The following NALF2 variants were observed in gnomAD, a reference collection of about 807,000 sequenced individuals.
NALF2 encodes bB57D9.1 (TED protein).
Under a neutral mutation model 24.8 loss-of-function variants are expected in NALF2, and 1 was observed. The observed-to-expected ratio is 0.04, with a 90% CI of 0.01 to 0.19. The LOEUF (loss-of-function observed/expected upper bound fraction) is 0.19. Among genes scored for constraint, NALF2 ranks in the 10% least tolerant of loss-of-function variants. The pLI is 1.00. For synonymous variants in NALF2, 254 were observed against 189.8 expected (o/e 1.34, Z -2.78); for missense variants, 458 against 409.6 (o/e 1.12, Z -1.02).
chrX:69,524,119 A>G (rs1930772711), intron 1 of NALF2, among the ~76,000 whole-genome samples: 1 of 102,703 alleles, frequency 9.7e-6, no homozygotes, highest in South Asian at 4.6e-4. Context: ...TTTTTTTTAG[A>G]CAGGGTCTCA....
intron 1 of NALF2, among the ~76,000 whole-genome samples, chrX:69,515,795 A>G (rs895667830): frequency 5.3e-5 from 6 of 112,326 alleles, no homozygotes; most frequent in Non-Finnish European, 1.1e-4. Context: ...CATAGAGCTG[A>G]AAGGAGGGAA....
rs1186746792 is a variant in NALF2, at chrX:69,529,702, T to C, written c.1165T>C (p.Ser389Pro). ...AACCCACCAGCAGCAATTCCACCAC[T>C]CCTATTTCCACCACTACCACCAACA... Reference protein sequence around the residue: ...PKTHQQQFHHSYFHHYHQQYH... With the variant: ...PKTHQQQFHHPYFHHYHQQYH... The change falls in exon 3 of 3, where the codon TCC becomes CCC. Residue 389 changes from serine (S) to proline (P), a missense_variant. Ser to Pro is a moderately conservative substitution (Grantham distance 74). Coordinates refer to ENST00000252338, the MANE Select transcript of NALF2 (RefSeq NM_015686.3). The C allele has an allele frequency of 8.3e-7, 1 of 1,205,689 alleles. No homozygotes were observed. Among genetic ancestry groups the C allele is most frequent in the Non-Finnish European group, 1.1e-6 (1 of 892,622 alleles).
chrX:69,505,521 C>T lies in NALF2; in HGVS notation c.239C>T (p.Pro80Leu). 1.0e-6 allele frequency: 1 copy of T among 976,270 alleles called. No homozygotes were observed. The highest frequency in any genetic ancestry group is 1.3e-6 in the Non-Finnish European group (1 of 783,876). The allele number at this position is 976,270 out of a possible 1,213,427, so 80.5% of individuals were successfully genotyped here. The change falls in exon 1 of 3, where the codon CCC (proline) becomes CTC (leucine). Residue 80 changes from proline (P) to leucine (L), a missense_variant. Coordinates refer to ENST00000252338, the MANE Select transcript of NALF2 (RefSeq NM_015686.3). Reference sequence around the variant, plus strand: ...AGGGAGCTGAGCAGCGCCATGCGGCCCCCATGGGGGGCCGGCCGGGAGCGG... The same window carrying T: ...AGGGAGCTGAGCAGCGCCATGCGGCTCCCATGGGGGGCCGGCCGGGAGCGG... The part of the protein sequence containing the change: ...RARELSSAMR[P>L]PWGAGRERQP...
intron 1 of NALF2, among the ~76,000 whole-genome samples, chrX:69,524,549 A>G (rs1403604578): frequency 9.0e-6 from 1 of 111,315 alleles, no homozygotes; most frequent in African/African-American, 3.3e-5. Flanking sequence ...TGCCTCCAGC[A>G]AGCCCCACAA....
In NALF2 at chrX:69,526,417, T is replaced by G. The variant is rs754153580; in HGVS notation, c.862-2576T>G. Reference sequence around the variant, plus strand: ...TAGATCATATGCCATAGATTCAAATTAGATGTGTCTACCCATGAAACTGGA... The same window carrying G: ...TAGATCATATGCCATAGATTCAAATGAGATGTGTCTACCCATGAAACTGGA... On this transcript the variant is annotated intron_variant, in intron 1 of 2. Transcript: ENST00000252338. Among the ~76,000 whole-genome samples, 10 of 112,064 alleles carry G rather than the reference T, an allele frequency of 8.9e-5. No individual in the cohort carries two copies. In the South Asian group the frequency reaches 3.8e-3, roughly 42 times the overall value.
intron 1 of NALF2, among the ~76,000 whole-genome samples, chrX:69,527,919 C>T (rs550056592): frequency 4.5e-5 from 5 of 111,295 alleles, no homozygotes; most frequent in South Asian, 3.8e-4. Context: ...CAGTGGTTGA[C>T]AACTGGAGAC....
chrX:69,521,127 T>A (rs4844175), intron 1 of NALF2, among the ~76,000 whole-genome samples: 52 of 110,681 alleles, frequency 4.7e-4, no homozygotes, highest in Non-Finnish European at 6.1e-4. Context: ...GGCCATGGCC[T>A]TCCTCTGCAA....
chrX:69,514,435 T>C (rs1602193888), intron 1 of NALF2, among the ~76,000 whole-genome samples: 1 of 111,587 alleles, frequency 9.0e-6, no homozygotes, highest in African/African-American at 3.3e-5. Flanking sequence ...CCATTGTATA[T>C]CTATGCCACA....
intron 2 of NALF2, 137 bp downstream of exon 2, chrX:69,529,301 C>T (rs760035731): frequency 1.8e-5 from 14 of 792,040 alleles, no homozygotes; most frequent in East Asian, 3.5e-5. Flanking sequence ...TGGGCAGTGA[C>T]GTCCCCAGGT....
intron 1 of NALF2, among the ~76,000 whole-genome samples, chrX:69,518,448 C>A (rs937655005): frequency 8.9e-6 from 1 of 112,098 alleles, no homozygotes; most frequent in Non-Finnish European, 1.9e-5. Context: ...TATACACACA[C>A]ACACACCCCA....
intron 1 of NALF2, 79 bp from the exon 2 acceptor site, chrX:69,528,914 C>A (rs1487685927): frequency 9.4e-7 from 1 of 1,058,908 alleles, no homozygotes; most frequent in African/African-American, 1.9e-5. Context: ...TGAGAGACCA[C>A]AAGTAAGTCC....
At chrX:69,506,464 C>CT (rs1337182090) in intron 1 of NALF2, among the ~76,000 whole-genome samples, 1 of 113,243 alleles carries the variant, frequency 8.8e-6, no homozygotes, top group African/African-American at 3.2e-5. Flanking sequence ...AGGGATTGTG[C>CT]TCCCCCCAGC....
chrX:69,505,927 C>T lies in NALF2; in HGVS notation c.645C>T (p.Asp215=). 2.5e-6 allele frequency: 3 copies of T among 1,211,963 alleles called. No homozygotes were observed. The highest frequency in any genetic ancestry group is 3.4e-6 in the Non-Finnish European group (3 of 895,503). ...TGCTGCTGGGCATGGACCGCCCCGACAGCCTGGACTGTAGCCTGGACACCC... is the reference window on the plus strand; with the variant it reads ...TGCTGCTGGGCATGGACCGCCCCGATAGCCTGGACTGTAGCCTGGACACCC... ...WDLLLGMDRP[D]SLDCSLDTLM... The change falls in exon 1 of 3, where the codon GAC becomes GAT. Residue 215 remains aspartate (D), a synonymous_variant. Coordinates refer to ENST00000252338, the MANE Select transcript of NALF2 (RefSeq NM_015686.3).
In NALF2 at chrX:69,505,256, TCCCTCCAGCCCGGACCCC is replaced by T. The variant is rs1301877656; in HGVS notation, c.-24_-7del. ...GCCGTCTGGCCTCGCGCCTGCCTGT[TCCCTCCAGCCCGGACCCC>T]CCTGAAATATGTTCAGGGGCGCTTG... On this transcript the variant is annotated 5_prime_UTR_variant, in exon 1 of 3. Transcript: ENST00000252338. 8.9e-7 allele frequency: 1 copy of T among 1,123,464 alleles called. No individual in the cohort carries two copies. The highest frequency in any genetic ancestry group is 1.9e-5 in the African/African-American group (1 of 52,132). The allele number at this position is 1,123,464 out of a possible 1,213,427, so 92.6% of individuals were successfully genotyped here.
At chrX:69,523,176 G>A (rs773478301) in intron 1 of NALF2, among the ~76,000 whole-genome samples, 25 of 112,642 alleles carry the variant, frequency 2.2e-4, no homozygotes, top group Non-Finnish European at 4.3e-4. Context: ...AGGGATGGAA[G>A]CAAGTTAGAA....
Position 69,505,776 on chromosome X carries a change from C to A in NALF2, c.494C>A (p.Pro165His). The A allele has an allele frequency of 8.3e-7, 1 of 1,211,606 alleles. No homozygotes were observed. The highest frequency in any genetic ancestry group is 1.1e-6 in the Non-Finnish European group (1 of 895,117). Residue 165 changes from proline (P) to histidine (H), a missense_variant, in exon 1 of 3, where the codon CCT (proline) becomes CAT (histidine). By Grantham distance (77) the Pro-to-His change is moderately conservative. Coordinates refer to ENST00000252338, the MANE Select transcript of NALF2 (RefSeq NM_015686.3). ...TTCGAACCGACTACTCCGGCCCCCC[C>A]TCTGCGGCCCCCTGACTCCCTTTCC... ...RLFEPTTPAPPLRPPDSLSRA... is the reference protein window; with the variant it reads ...RLFEPTTPAPHLRPPDSLSRA...
intron 1 of NALF2, among the ~76,000 whole-genome samples, chrX:69,511,600 C>T (rs1021223426): frequency 2.7e-5 from 3 of 111,747 alleles, no homozygotes; most frequent in Non-Finnish European, 5.6e-5. Context: ...CTACAGTCAC[C>T]ATAGCAACGG....
chrX:69,517,016 AT>A (rs1930671730), intron 1 of NALF2, among the ~76,000 whole-genome samples: 1 of 111,703 alleles, frequency 9.0e-6, no homozygotes, highest in Non-Finnish European at 1.9e-5. Flanking sequence ...ATGTGAAATT[AT>A]GTCAGAATGA....
At chrX:69,509,894 ACTCTC>A (rs1930554405) in intron 1 of NALF2, among the ~76,000 whole-genome samples, 1 of 111,638 alleles carries the variant, frequency 9.0e-6, no homozygotes, top group African/African-American at 3.3e-5. Flanking sequence ...AAGGACGTCA[ACTCTC>A]TGAGCCTCAC....
Sources: gnomAD v4.1 joint callset for allele counts (sites outside exome capture counted in the v4.1 genomes callset) on GRCh38, gnomAD v4.1.1 for gene constraint, MANE v1.5 for transcripts, NCBI Gene and HGNC (gene_info 2026-07-23, HGNC 2026-07-21) for gene names.